The following SGCZ variants were observed in gnomAD, a reference collection of about 807,000 sequenced individuals.
The protein encoded by SGCZ is zeta-sarcoglycan.
A neutral mutation model predicts 41.3 loss-of-function variants in SGCZ; 40 were observed. That is an observed-to-expected ratio of 0.97 (90% CI 0.75 to 1.26). The LOEUF is 1.26. Ranked by LOEUF, SGCZ falls within the 50% of genes most tolerant of loss-of-function variation. The pLI, the probability that SGCZ is intolerant of heterozygous loss-of-function variation, is 0.00. For synonymous variants in SGCZ, 206 were observed against 137.5 expected (o/e 1.50, Z -3.49); for missense variants, 552 against 369.8 (o/e 1.49, Z -4.04).
chr8:14,440,497 T>C (rs1363774259), intron 2 of SGCZ, among the ~76,000 whole-genome samples: 1 of 151,960 alleles, frequency 6.6e-6, no homozygotes, highest in African/African-American at 2.4e-5. Context: ...ACCACAACAA[T>C]TTAACTCTTA....
chr8:14,284,672 T>C (rs547186501), intron 3 of SGCZ, among the ~76,000 whole-genome samples: 3 of 152,298 alleles, frequency 2.0e-5, no homozygotes, highest in South Asian at 2.1e-4. Context: ...GTCCCATCTA[T>C]AGATTGATCC....
At chr8:14,489,893 G>A (rs1585585222) in intron 2 of SGCZ, among the ~76,000 whole-genome samples, 1 of 88,540 alleles carries the variant, frequency 1.1e-5, no homozygotes, top group Non-Finnish European at 2.2e-5. Flanking sequence ...CTGAGATGGA[G>A]TCTCGCTCTG....
chr8:14,767,460 T>C (rs1037037930), intron 1 of SGCZ, among the ~76,000 whole-genome samples: 1 of 152,196 alleles, frequency 6.6e-6, no homozygotes, highest in African/African-American at 2.4e-5. Flanking sequence ...AATTTTACAA[T>C]CAATTTTACT....
intron 1 of SGCZ, among the ~76,000 whole-genome samples, chr8:15,081,103 G>T (rs1805731633): frequency 6.6e-6 from 1 of 152,154 alleles, no homozygotes; most frequent in Non-Finnish European, 1.5e-5. Flanking sequence ...GCCAGCGCAT[G>T]CTACTTTGTA....
intron 1 of SGCZ, among the ~76,000 whole-genome samples, chr8:14,860,678 G>GAGAA (rs1228221199): frequency 7.5e-5 from 9 of 119,606 alleles, no homozygotes; most frequent in South Asian, 2.6e-4. Flanking sequence ...GAGGGAAAGA[G>GAGAA]AGAAAGAAAG....
chr8:14,663,226 T>A (rs969223308), intron 1 of SGCZ, among the ~76,000 whole-genome samples: 1 of 152,206 alleles, frequency 6.6e-6, no homozygotes, highest in African/African-American at 2.4e-5. Context: ...CCCCTTGGTA[T>A]GATTTTGAAA....
intron 1 of SGCZ, among the ~76,000 whole-genome samples, chr8:15,207,955 A>T (rs377759387): frequency 1.3e-5 from 2 of 152,212 alleles, no homozygotes; most frequent in African/African-American, 4.8e-5. Flanking sequence ...GGACTGGTGA[A>T]TGTCTGTCAT....
intron 1 of SGCZ, among the ~76,000 whole-genome samples, chr8:14,658,720 T>G (rs1038888437): frequency 3.3e-5 from 5 of 152,186 alleles, no homozygotes; most frequent in Non-Finnish European, 2.9e-5. Context: ...ATTAATATAC[T>G]AATAATTTCA....
At chr8:14,524,257 C>A (rs555930414) in intron 2 of SGCZ, among the ~76,000 whole-genome samples, 1 of 151,188 alleles carries the variant, frequency 6.6e-6, no homozygotes, top group African/African-American at 2.4e-5. Context: ...AGCAAGAGAA[C>A]GGGTATGTGC....
intron 1 of SGCZ, among the ~76,000 whole-genome samples, chr8:14,614,937 T>C (rs1433736911): frequency 1.3e-5 from 2 of 152,186 alleles, no homozygotes; most frequent in African/African-American, 4.8e-5. Flanking sequence ...TCACTTTATA[T>C]ATAGTGATAA....
At chr8:14,871,686 C>T (rs1000251038) in intron 1 of SGCZ, among the ~76,000 whole-genome samples, 1 of 151,906 alleles carries the variant, frequency 6.6e-6, no homozygotes, top group African/African-American at 2.4e-5. Flanking sequence ...CACCTGTAGT[C>T]CCAGCTACTT....
chr8:15,092,048 T>C (rs1419197225), intron 1 of SGCZ, among the ~76,000 whole-genome samples: 1 of 152,138 alleles, frequency 6.6e-6, no homozygotes, highest in African/African-American at 2.4e-5. Flanking sequence ...GCACCGTGCC[T>C]GGCCACTCTA....
chr8:14,709,063 G>A (rs1367100860), intron 1 of SGCZ, among the ~76,000 whole-genome samples: 1 of 152,012 alleles, frequency 6.6e-6, no homozygotes, highest in Non-Finnish European at 1.5e-5. Flanking sequence ...ACGAAATTAT[G>A]GTTAACAGTG....
At chr8:14,982,357 G>A (rs762492019) in intron 1 of SGCZ, among the ~76,000 whole-genome samples, 8 of 152,268 alleles carry the variant, frequency 5.3e-5, no homozygotes, top group East Asian at 3.9e-4. Flanking sequence ...TGATTCGTTC[G>A]TTGTGTGATA....
chr8:15,032,341 T>C (rs539114080), intron 1 of SGCZ, among the ~76,000 whole-genome samples: 1 of 152,114 alleles, frequency 6.6e-6, no homozygotes, highest in South Asian at 2.1e-4. Context: ...AAGGACAGTT[T>C]TACATGACGC....
At chr8:14,447,375 G>C (rs1040030197) in intron 2 of SGCZ, among the ~76,000 whole-genome samples, 3 of 151,788 alleles carry the variant, frequency 2.0e-5, no homozygotes, top group Non-Finnish European at 4.4e-5. Flanking sequence ...ATGTTACTTG[G>C]GTAAAAAATT....
chr8:14,466,438 G>A (rs1359196888), intron 2 of SGCZ, among the ~76,000 whole-genome samples: 1 of 151,946 alleles, frequency 6.6e-6, no homozygotes, highest in Admixed American at 6.6e-5. Context: ...ATTATAACAT[G>A]TATTGAAGTG....
In SGCZ at chr8:14,663,016, G is replaced by A. The variant is rs116839082; in HGVS notation, c.40-108090C>T. 2.1e-3 allele frequency among the ~76,000 whole-genome samples: 325 copies of A among 152,200 alleles called. 2 individuals are homozygous for A. Among genetic ancestry groups the A allele is most frequent in the African/African-American group, 7.5e-3 (311 of 41,548 alleles). On this transcript the variant is annotated intron_variant, in intron 1 of 7. Coordinates refer to ENST00000382080, the MANE Select transcript of SGCZ (RefSeq NM_139167.4). ...TCTGCCAAAAACACAAATAAACAAG[G>A]AAACAGATCCTCCCCTAGGATGTCC...
At chr8:15,136,433 C>G (rs528535035) in intron 1 of SGCZ, among the ~76,000 whole-genome samples, 2 of 151,276 alleles carry the variant, frequency 1.3e-5, no homozygotes, top group Non-Finnish European at 2.9e-5. Flanking sequence ...TTTGAGTTGA[C>G]GAAGTAGGAG....
Sources: allele counts gnomAD v4.1 joint callset (sites outside exome capture counted in the v4.1 genomes callset), GRCh38; gene constraint gnomAD v4.1.1; transcripts MANE v1.5; gene names NCBI Gene and HGNC (gene_info 2026-07-23, HGNC 2026-07-21).